CACNA2D4: variants seen among roughly 807,000 people sequenced by gnomAD.
CACNA2D4 encodes voltage-dependent calcium channel subunit alpha-2/delta-4.
Under a neutral mutation model 163.8 loss-of-function variants are expected in CACNA2D4, and 157 were observed. The observed-to-expected ratio is 0.96, with a 90% CI of 0.84 to 1.09. The LOEUF (loss-of-function observed/expected upper bound fraction) is 1.09, where lower values mean the gene tolerates loss of function less well. Among genes scored for constraint, CACNA2D4 ranks in the 50% least tolerant of loss-of-function variants. The pLI, the probability that CACNA2D4 is intolerant of heterozygous loss-of-function variation, is 0.00. For synonymous variants in CACNA2D4, 598 were observed against 586.9 expected (o/e 1.02, Z -0.27); for missense variants, 1,410 against 1,479.9 (o/e 0.95, Z 0.78).
rs939792934 is a variant in CACNA2D4 at position 1,802,405 on chromosome 12, C to T, written c.2722-761G>A. ...AAAACAGGACCCTCCCTCCTGCCCC[C>T]GGCTCCCCTTTTGTTGTCCATCAGC... On this transcript the variant is annotated intron_variant, in intron 29 of 37. Transcript: ENST00000382722. This position sits in a 1 kb window ranked among gnomAD's most constrained non-coding sequence, Gnocchi z 4.7. Among the ~76,000 whole-genome samples the T allele has an allele frequency of 1.3e-5, 2 of 152,220 alleles. No individual in the cohort carries two copies. Among genetic ancestry groups the T allele is most frequent in the Non-Finnish European group, 2.9e-5 (2 of 68,044 alleles).
chr12:1,863,021 A>T (rs1413793105), intron 18 of CACNA2D4, among the ~76,000 whole-genome samples: 1 of 152,188 alleles, frequency 6.6e-6, no homozygotes, highest in African/African-American at 2.4e-5. Flanking sequence ...CAGGTTGAGA[A>T]GATTTTCCCC....
intron 3 of CACNA2D4, among the ~76,000 whole-genome samples, chr12:1,912,325 T>C (rs903200058): frequency 2.0e-5 from 3 of 152,196 alleles, no homozygotes; most frequent in Non-Finnish European, 4.4e-5. Context: ...CCACACTGTA[T>C]CTACTGGTTT....
intron 26 of CACNA2D4, among the ~76,000 whole-genome samples, chr12:1,814,122 G>A (rs1348814792): frequency 2.0e-5 from 3 of 152,148 alleles, no homozygotes; most frequent in Non-Finnish European, 4.4e-5. Context: ...TGGCCTCCGT[G>A]GTCAAAGAGG....
At position 1,892,208 on chromosome 12, in the gene CACNA2D4, T is replaced by C. The variant is rs1247639750; in HGVS notation, c.782-5139A>G. 2.6e-5 allele frequency among the ~76,000 whole-genome samples: 4 copies of C among 152,198 alleles called. 1 individual carries two copies. The highest frequency in any genetic ancestry group is 6.5e-5 in the Admixed American group (1 of 15,276). ...AAGGGAACTTCCATGAGACTAGCAA[T>C]GGATTTCTCAGCAGAAACCTTTCAG... On this transcript the variant is annotated intron_variant, in intron 6 of 37. Transcript: ENST00000382722.
At position 1,918,417 on chromosome 12, in the gene CACNA2D4, A is replaced by G; in HGVS notation, c.57T>C (p.Pro19=). The G allele has an allele frequency of 1.3e-6, 2 of 1,595,718 alleles. No homozygotes were observed. The highest frequency in any genetic ancestry group is 1.8e-5 in the Admixed American group (1 of 56,870). ...LPLPNPRPTM[P]ATPNFLANPS... is the part of the protein sequence containing the mutation. ...GGTTTGCGAGGAAGTTGGGAGTTGC[A>G]GGCATGGTGGGCCTGGGGTTGGGGA... is the stretch of plus-strand genomic sequence containing the variant. The change falls in exon 1 of 38, where the codon CCT becomes CCC. Residue 19 remains proline (P), a synonymous_variant. Coordinates refer to ENST00000382722, the MANE Select transcript of CACNA2D4 (RefSeq NM_172364.5).
intron 26 of CACNA2D4, among the ~76,000 whole-genome samples, chr12:1,813,682 G>T (rs143168391): frequency 4.6e-5 from 7 of 152,280 alleles, no homozygotes; most frequent in African/African-American, 1.7e-4. Flanking sequence ...CTGGGGTGGT[G>T]CTCCGGCTGG....
At chr12:1,810,776 CGTGT>C (rs1196584286) in intron 27 of CACNA2D4, among the ~76,000 whole-genome samples, 189 bp from the exon 28 acceptor site, 2 of 151,752 alleles carry the variant, frequency 1.3e-5, no homozygotes, top group African/African-American at 2.4e-5. Flanking sequence ...GTGGAGAGCA[CGTGT>C]GTGAGGTGTG....
chr12:1,795,698 G>A lies in CACNA2D4; in HGVS notation c.3196C>T (p.Pro1066Ser), dbSNP rs1323860776. The change falls in exon 36 of 38, where the codon CCA becomes TCA. Residue 1066 changes from proline to serine, a missense_variant. Physicochemically the swap from Pro to Ser is moderately conservative, Grantham distance 74. Transcript: ENST00000382722. Reference protein sequence around the residue: ...DPTCDCSIFPPVLQEATEVKY... With the variant: ...DPTCDCSIFPSVLQEATEVKY... ...ACTTCTGTCGCCTCCTGCAGCACTGGTGGGAAGATGCTGCAGTCACAGGTG... is the reference window on the plus strand; with the variant it reads ...ACTTCTGTCGCCTCCTGCAGCACTGATGGGAAGATGCTGCAGTCACAGGTG... 1 of 1,612,658 alleles carries A rather than the reference G, an allele frequency of 6.2e-7. No individual in the cohort carries two copies. The highest frequency in any genetic ancestry group is 1.7e-5 in the Admixed American group (1 of 60,032).
chr12:1,804,729 T>G (rs913580435), intron 29 of CACNA2D4, among the ~76,000 whole-genome samples: 8 of 152,260 alleles, frequency 5.3e-5, no homozygotes, highest in Admixed American at 2.0e-4. Context: ...GCCCAAGGCC[T>G]CCTGCCTCTT....
intron 26 of CACNA2D4, among the ~76,000 whole-genome samples, chr12:1,816,435 C>T (rs896854860): frequency 2.0e-5 from 3 of 151,796 alleles, no homozygotes; most frequent in Admixed American, 6.5e-5. Context: ...ATCTCAGACC[C>T]CTTCCTGCCC....
intron 32 of CACNA2D4, 162 bp downstream of exon 32, chr12:1,800,224 A>G: frequency 1.1e-6 from 1 of 940,768 alleles, no homozygotes; most frequent in Non-Finnish European, 1.7e-6. Context: ...GGCAGCATGC[A>G]GGGAAGAGGT....
chr12:1,803,508 A>G (rs1031728555), intron 29 of CACNA2D4, among the ~76,000 whole-genome samples: 2 of 152,236 alleles, frequency 1.3e-5, no homozygotes, highest in African/African-American at 4.8e-5. Context: ...TAGTCCTTAC[A>G]TCCTACAGTA....
At chr12:1,809,097 G>A (rs1863629927) in intron 29 of CACNA2D4, among the ~76,000 whole-genome samples, 1 of 152,238 alleles carries the variant, frequency 6.6e-6, no homozygotes, top group Non-Finnish European at 1.5e-5. Context: ...ACTACCCCAA[G>A]GAGTTAGATT....
rs370779008 is a variant in CACNA2D4, at chr12:1,910,787, A to G, written c.427-822T>C. Among the ~76,000 whole-genome samples, 47 of 152,340 alleles carry G rather than the reference A, an allele frequency of 3.1e-4. 1 individual carries two copies. The East Asian group carries it at 6.2e-3, about 20-fold the overall frequency. ...TATTGTATGATTCCATTTATGTGAA[A>G]TACCCACAACATGCAAATCCATAGA... On this transcript the variant is annotated intron_variant, in intron 3 of 37. Transcript: ENST00000382722.
intron 35 of CACNA2D4, 94 bp downstream of exon 35, chr12:1,797,324 G>A: frequency 1.1e-6 from 1 of 931,546 alleles, no homozygotes; most frequent in Admixed American, 2.0e-5. Flanking sequence ...CTGTGGAGCC[G>A]TTTCCCGGGG....
At chr12:1,800,141 C>T in intron 32 of CACNA2D4, 89 bp from the exon 33 acceptor site, 3 of 1,295,850 alleles carry the variant, frequency 2.3e-6, no homozygotes, top group Admixed American at 3.9e-5. Context: ...CAGCCCCCGG[C>T]CCATCCCCTC....
intron 26 of CACNA2D4, chr12:1,835,433 A>G (rs78537235): frequency 0.14 from 20,652 of 152,450 alleles, 1,665 homozygotes; most frequent in Non-Finnish European, 0.18. Context: ...ACACACACAC[A>G]CACACACACA....
intron 30 of CACNA2D4, 35 bp from the exon 31 acceptor site, chr12:1,801,153 G>GCCACCC: frequency 6.3e-7 from 1 of 1,575,156 alleles, no homozygotes; most frequent in Non-Finnish European, 8.7e-7. Context: ...TGAGTCCAAA[G>GCCACCC]CCACCCCCAC....
At chr12:1,821,038 AAG>A (rs1163592950) in intron 26 of CACNA2D4, among the ~76,000 whole-genome samples, 1 of 152,228 alleles carries the variant, frequency 6.6e-6, no homozygotes, top group Non-Finnish European at 1.5e-5. Flanking sequence ...TGCTGGGGAC[AAG>A]AGCTGTGGAT....
Sources: gnomAD v4.1 joint callset for allele counts (sites outside exome capture counted in the v4.1 genomes callset) on GRCh38, gnomAD v4.1.1 for gene constraint, Gnocchi (gnomAD v3.1) non-coding constraint, MANE v1.5 for transcripts, NCBI Gene and HGNC (gene_info 2026-07-23, HGNC 2026-07-21) for gene names.